The following PTPRD variants were observed in gnomAD, a reference collection of about 807,000 sequenced individuals.
PTPRD encodes receptor-type tyrosine-protein phosphatase delta.
A neutral mutation model predicts 214.5 loss-of-function variants in PTPRD; 34 were observed. The observed-to-expected ratio is 0.16, with a 90% CI of 0.12 to 0.21. The LOEUF is 0.21. PTPRD is among the 10% of genes least tolerant of loss of function. The pLI, the probability that PTPRD is intolerant of heterozygous loss-of-function variation, is 1.00. For missense variants in PTPRD, 2,545 were observed against 2,398.7 expected, an observed-to-expected ratio of 1.06 and a Z score of -1.27; for synonymous variants, 1,128 against 845.7, an observed-to-expected ratio of 1.33 and a Z score of -5.79.
chr9:10,333,414 T>C (rs991236098), intron 3 of PTPRD, among the ~76,000 whole-genome samples: 7 of 151,786 alleles, frequency 4.6e-5, no homozygotes, highest in Non-Finnish European at 1.0e-4. Flanking sequence ...GGCAGCTATT[T>C]TCTCTATTTC....
intron 11 of PTPRD, among the ~76,000 whole-genome samples, chr9:8,927,317 CACCCATCA>C (rs1327850979): frequency 9.2e-5 from 14 of 152,102 alleles, no homozygotes; most frequent in African/African-American, 3.1e-4. Flanking sequence ...TGGTGTGCTG[CACCCATCA>C]ACCCATCATC....
At chr9:8,628,152 G>C (rs1037304810) in intron 14 of PTPRD, among the ~76,000 whole-genome samples, 61 of 151,672 alleles carry the variant, frequency 4.0e-4, no homozygotes, top group African/African-American at 1.5e-3. Context: ...ATCTCCAGCC[G>C]AGACCACTTT....
intron 14 of PTPRD, among the ~76,000 whole-genome samples, chr9:8,606,444 T>G (rs1331439465): frequency 6.6e-6 from 1 of 152,160 alleles, no homozygotes; most frequent in Non-Finnish European, 1.5e-5. Context: ...ACATGAAGCA[T>G]ATGCAGAGAC....
At chr9:9,443,764 G>A (rs775612721) in intron 8 of PTPRD, among the ~76,000 whole-genome samples, 13 of 152,046 alleles carry the variant, frequency 8.6e-5, no homozygotes, top group Non-Finnish European at 1.6e-4. Context: ...TGGCACCCAT[G>A]GAATAGAAGT....
intron 7 of PTPRD, among the ~76,000 whole-genome samples, chr9:9,603,004 C>T (rs186580623): frequency 3.5e-4 from 53 of 151,546 alleles, no homozygotes; most frequent in Non-Finnish European, 6.5e-4. Context: ...ACAAAATACA[C>T]TAGTAAAAGA....
chr9:9,213,956 ATCT>A (rs35477041), intron 9 of PTPRD, among the ~76,000 whole-genome samples: 35,483 of 151,804 alleles, frequency 0.23, 4,282 homozygotes, highest in African/African-American at 0.29. Flanking sequence ...GAATATCTTC[ATCT>A]TCTTTTTTTT....
At chr9:8,487,126 T>C (rs918910223) in intron 27 of PTPRD, among the ~76,000 whole-genome samples, 8 of 152,222 alleles carry the variant, frequency 5.3e-5, no homozygotes, top group African/African-American at 1.9e-4. Flanking sequence ...AAGAGCTATT[T>C]TATATTGTTC....
chr9:9,454,521 C>T (rs1426965224), intron 8 of PTPRD, among the ~76,000 whole-genome samples: 2 of 151,790 alleles, frequency 1.3e-5, no homozygotes, highest in East Asian at 3.9e-4. Context: ...TTCCCCACTA[C>T]TGATCAGAAA....
At chr9:8,344,337 T>A (rs1855465864) in intron 39 of PTPRD, among the ~76,000 whole-genome samples, 1 of 152,050 alleles carries the variant, frequency 6.6e-6, no homozygotes. Context: ...CAGGGACCAT[T>A]CAAATGTCTG....
At chr9:10,416,162 A>T (rs1260713855) in intron 2 of PTPRD, among the ~76,000 whole-genome samples, 1 of 151,784 alleles carries the variant, frequency 6.6e-6, no homozygotes, top group African/African-American at 2.4e-5. Context: ...AGCCTGGCCA[A>T]CATGGTGAAA....
chr9:8,991,952 T>G (rs1395549511), intron 11 of PTPRD, among the ~76,000 whole-genome samples: 1 of 152,162 alleles, frequency 6.6e-6, no homozygotes, highest in Non-Finnish European at 1.5e-5. Flanking sequence ...TTTGCCATAG[T>G]AATATAGAAT....
intron 21 of PTPRD, among the ~76,000 whole-genome samples, chr9:8,516,181 A>C (rs537380113): frequency 2.6e-4 from 40 of 152,332 alleles, no homozygotes; most frequent in African/African-American, 9.6e-4. Flanking sequence ...AGAAAAAGCA[A>C]AACAAGATTT....
chr9:10,237,998 T>A (rs1460788696), intron 3 of PTPRD, among the ~76,000 whole-genome samples: 1 of 151,682 alleles, frequency 6.6e-6, no homozygotes, highest in Non-Finnish European at 1.5e-5. Flanking sequence ...TTGTTACCTA[T>A]TAATTGCAGC....
intron 8 of PTPRD, among the ~76,000 whole-genome samples, chr9:9,424,411 G>A (rs2080035258): frequency 6.6e-6 from 1 of 152,210 alleles, no homozygotes; most frequent in Admixed American, 6.5e-5. Flanking sequence ...GTCACTGGTT[G>A]AAGGTGAAGT....
At chr9:9,611,836 T>C (rs1220555903) in intron 7 of PTPRD, among the ~76,000 whole-genome samples, 1 of 152,142 alleles carries the variant, frequency 6.6e-6, no homozygotes. Context: ...AATGTAATTA[T>C]GTTTCAAATA....
intron 7 of PTPRD, among the ~76,000 whole-genome samples, chr9:9,706,594 C>A (rs1025084243): frequency 3.9e-5 from 6 of 151,994 alleles, no homozygotes; most frequent in African/African-American, 1.5e-4. Flanking sequence ...TGTGTGCCAC[C>A]ACACCCAGCT....
rs115558528 is a variant in PTPRD at position 8,935,056 on chromosome 9, T to C, written c.-104+83641A>G. On this transcript the variant is annotated intron_variant, in intron 11 of 45. Transcript: ENST00000381196. ...AGATATATGTATCACATTTTCTTTA[T>C]CCATTTATCTGTTGATAAACACAGA... 4.0e-3 allele frequency among the ~76,000 whole-genome samples: 606 copies of C among 152,270 alleles called. 9 individuals are homozygous for C. The highest frequency in any genetic ancestry group is 0.013 in the African/African-American group (537 of 41,550).
chr9:9,822,522 A>G (rs2051151432), intron 5 of PTPRD, among the ~76,000 whole-genome samples: 1 of 148,318 alleles, frequency 6.7e-6, no homozygotes, highest in Non-Finnish European at 1.5e-5. Context: ...TATACATAAT[A>G]TATTATATAT....
chr9:9,610,154 T>C (rs1228179517), intron 7 of PTPRD, among the ~76,000 whole-genome samples: 1 of 152,136 alleles, frequency 6.6e-6, no homozygotes, highest in Non-Finnish European at 1.5e-5. Flanking sequence ...GTTAGGAATC[T>C]TTCGAAAGGC....
Sources: gnomAD v4.1 joint callset for allele counts (sites outside exome capture counted in the v4.1 genomes callset) on GRCh38, gnomAD v4.1.1 for gene constraint, MANE v1.5 for transcripts, NCBI Gene and HGNC (gene_info 2026-07-23, HGNC 2026-07-21) for gene names.